DNAH11: variants seen among roughly 807,000 people sequenced by gnomAD.
The protein encoded by DNAH11 is axonemal beta dynein heavy chain 11.
Under a neutral mutation model 526.0 loss-of-function variants are expected in DNAH11, and 442 were observed. That is an observed-to-expected ratio of 0.84 (90% confidence interval 0.78 to 0.91). DNAH11 has a LOEUF of 0.91. Ranked by LOEUF, DNAH11 falls within the 40% of genes least tolerant of loss-of-function variation. DNAH11 has a pLI of 0.00. For missense variants in DNAH11, 6,989 were observed against 5,448.7 expected, an observed-to-expected ratio of 1.28 and a Z score of -8.90; for synonymous variants, 2,461 against 1,935.9, an observed-to-expected ratio of 1.27 and a Z score of -7.12.
At position 21,625,019 on chromosome 7, in the gene DNAH11, T is replaced by C. The variant is rs375441562; in HGVS notation, c.4500+4941T>C. 1.8e-4 allele frequency among the ~76,000 whole-genome samples: 27 copies of C among 152,260 alleles called. 3 individuals carry two copies. The highest frequency in any genetic ancestry group is 1.2e-3 in the Admixed American group (18 of 15,282). On this transcript the variant is annotated intron_variant, in intron 25 of 81. Coordinates refer to ENST00000409508, the MANE Select transcript of DNAH11 (RefSeq NM_001277115.2). ...TTTCTTTACTTGTGGTGTCCTTGTT[T>C]GGCTTTGGTATCAGAATAATCATGG...
chr7:21,881,534 CA>C (rs1583807892), intron 75 of DNAH11, among the ~76,000 whole-genome samples: 1 of 152,126 alleles, frequency 6.6e-6, no homozygotes, highest in Admixed American at 6.5e-5. Flanking sequence ...GATTGGATTT[CA>C]AAAAGCAAGA....
intron 63 of DNAH11, among the ~76,000 whole-genome samples, chr7:21,809,644 A>G (rs1053306674): frequency 5.3e-5 from 8 of 150,568 alleles, no homozygotes. Context: ...GCCCACTACA[A>G]CCTCCGCCCC....
intron 34 of DNAH11, 133 bp downstream of exon 34, chr7:21,687,660 G>A: frequency 8.6e-7 from 1 of 1,167,594 alleles, no homozygotes; most frequent in East Asian, 2.6e-5. Flanking sequence ...GGTCGATTTG[G>A]GGGAATTATT....
At chr7:21,584,420 G>A (rs1043980203) in intron 9 of DNAH11, among the ~76,000 whole-genome samples, 1 of 152,108 alleles carries the variant, frequency 6.6e-6, no homozygotes, top group African/African-American at 2.4e-5. Flanking sequence ...ACACACCAGG[G>A]GATGTCAGGG....
intron 42 of DNAH11, among the ~76,000 whole-genome samples, chr7:21,716,107 A>AG (rs1310130171): frequency 6.6e-6 from 1 of 152,038 alleles, no homozygotes; most frequent in Non-Finnish European, 1.5e-5. Flanking sequence ...ATTTTTTTGA[A>AG]GTTACTGCTC....
At chr7:21,707,473 CAA>C (rs1784312501) in intron 39 of DNAH11, among the ~76,000 whole-genome samples, 1 of 152,290 alleles carries the variant, frequency 6.6e-6, no homozygotes, top group African/African-American at 2.4e-5. Flanking sequence ...CTAAATGGTT[CAA>C]AGAGTCAAGT....
chr7:21,784,415 C>T lies in DNAH11; in HGVS notation c.9484-12C>T, dbSNP rs1010620168. On this transcript the variant is annotated splice_polypyrimidine_tract_variant and intron_variant, in intron 57 of 81. Transcript: ENST00000409508. Reference sequence around the variant, plus strand: ...ATTTATACGGGTTTGTGTGCTTTTCCTCTTTAATTAGGTGACAGCCATTCA... The same window carrying T: ...ATTTATACGGGTTTGTGTGCTTTTCTTCTTTAATTAGGTGACAGCCATTCA... The T allele has an allele frequency of 1.8e-5, 29 of 1,602,390 alleles. No homozygotes were observed. Among genetic ancestry groups the T allele is most frequent in the Non-Finnish European group, 2.5e-5 (29 of 1,171,174 alleles).
At chr7:21,557,163 AACT>A (rs1222507753) in intron 2 of DNAH11, among the ~76,000 whole-genome samples, 1 of 152,134 alleles carries the variant, frequency 6.6e-6, no homozygotes, top group African/African-American at 2.4e-5. Context: ...GTTCTTCACA[AACT>A]ACCCGTGCCG....
chr7:21,717,073 A>T (rs924117273), intron 42 of DNAH11, among the ~76,000 whole-genome samples: 4 of 152,098 alleles, frequency 2.6e-5, no homozygotes, highest in Admixed American at 1.3e-4. Context: ...GTTTAACATC[A>T]TACATTTTTG....
intron 62 of DNAH11, among the ~76,000 whole-genome samples, chr7:21,803,025 CAAT>C (rs1282699533): frequency 2.0e-5 from 3 of 151,390 alleles, no homozygotes; most frequent in Non-Finnish European, 2.9e-5. Context: ...AATTATATCT[CAAT>C]AAAGCAGTTA....
At chr7:21,613,273 A>C (rs1346982637) in intron 20 of DNAH11, among the ~76,000 whole-genome samples, 1 of 152,184 alleles carries the variant, frequency 6.6e-6, no homozygotes, top group African/African-American at 2.4e-5. Context: ...AGCGCTTAGC[A>C]ATACATTAAT....
At chr7:21,713,883 C>T (rs1195626269) in intron 42 of DNAH11, among the ~76,000 whole-genome samples, 1 of 152,170 alleles carries the variant, frequency 6.6e-6, no homozygotes, top group African/African-American at 2.4e-5. Flanking sequence ...GGGATAATAA[C>T]TCCTTTCCAC....
intron 46 of DNAH11, among the ~76,000 whole-genome samples, chr7:21,738,366 G>A (rs925417524): frequency 6.6e-6 from 1 of 152,220 alleles, no homozygotes; most frequent in Non-Finnish European, 1.5e-5. Flanking sequence ...TGGACTAGCA[G>A]TGGCCACATA....
chr7:21,766,791 C>T (rs1242674080), intron 55 of DNAH11, among the ~76,000 whole-genome samples: 1 of 151,190 alleles, frequency 6.6e-6, no homozygotes, highest in Non-Finnish European at 1.5e-5. Flanking sequence ...GGAGGGAGAC[C>T]TCTTCTCCTT....
At chr7:21,645,044 T>C (rs1473476784) in intron 28 of DNAH11, among the ~76,000 whole-genome samples, 1 of 152,248 alleles carries the variant, frequency 6.6e-6, no homozygotes, top group Non-Finnish European at 1.5e-5. Flanking sequence ...TTTGGAATTC[T>C]CTCCATAGCC....
intron 65 of DNAH11, among the ~76,000 whole-genome samples, chr7:21,819,630 A>G (rs1220265623): frequency 1.3e-5 from 2 of 152,158 alleles, no homozygotes; most frequent in Admixed American, 6.6e-5. Context: ...CTGAGCTTCA[A>G]TTTCAACTTT....
chr7:21,623,026 C>G (rs1370592765), intron 25 of DNAH11, among the ~76,000 whole-genome samples: 3 of 151,972 alleles, frequency 2.0e-5, no homozygotes, highest in Admixed American at 6.6e-5. Flanking sequence ...TCAGAGTGAA[C>G]AGGCAACCTA....
chr7:21,682,181 A>G (rs1474282880), intron 31 of DNAH11, among the ~76,000 whole-genome samples: 2 of 152,198 alleles, frequency 1.3e-5, no homozygotes, highest in Non-Finnish European at 2.9e-5. Context: ...TTGTCTTGTA[A>G]GAAGTTATTT....
chr7:21,725,264 A>G (rs999928922), intron 44 of DNAH11, among the ~76,000 whole-genome samples: 46 of 152,304 alleles, frequency 3.0e-4, no homozygotes, highest in Middle Eastern at 3.4e-3. Context: ...CATGGCAGGG[A>G]TTCCCAGATT....
Sources: gnomAD v4.1 joint callset for allele counts (sites outside exome capture counted in the v4.1 genomes callset) on GRCh38, gnomAD v4.1.1 for gene constraint, MANE v1.5 for transcripts, NCBI Gene and HGNC (gene_info 2026-07-23, HGNC 2026-07-21) for gene names.